The following LGR4 variants were observed in gnomAD, a reference collection of about 807,000 sequenced individuals.
The protein encoded by LGR4 is leucine-rich repeat-containing G protein-coupled receptor 4.
In LGR4, 44 loss-of-function variants were observed where a neutral mutation model predicts 84.8. That is an observed-to-expected ratio of 0.52 (90% CI 0.41 to 0.67). The LOEUF is 0.67. LGR4 is among the 30% of genes least tolerant of loss of function. The pLI is 0.00. For missense variants in LGR4, 1,032 were observed against 1,131.4 expected (o/e 0.91, Z 1.26); for synonymous variants, 429 against 434.3 (o/e 0.99, Z 0.15).
intron 4 of LGR4, among the ~76,000 whole-genome samples, chr11:27,389,040 A>G (rs1358769482): frequency 6.6e-6 from 1 of 152,140 alleles, no homozygotes; most frequent in Non-Finnish European, 1.5e-5. Flanking sequence ...CTTCTGGTCA[A>G]TTTCAATCCC....
At chr11:27,436,347 G>C (rs867974396) in intron 1 of LGR4, among the ~76,000 whole-genome samples, 61 of 134,632 alleles carry the variant, frequency 4.5e-4, no homozygotes, top group Non-Finnish European at 7.8e-4. Context: ...GAGAGAGAGA[G>C]AGAAAGAAAG....
rs145212896 is a variant in LGR4, at chr11:27,377,166, C to A, written c.1101G>T (p.Leu367=). The A allele has an allele frequency of 6.3e-6, 10 of 1,583,256 alleles. No homozygotes were observed. Among genetic ancestry groups the A allele is most frequent in the Non-Finnish European group, 8.6e-6 (10 of 1,156,716 alleles). ...DLPSFNGCHA[L]EEISLQRNQI... ...GTCAAAGACCAACTCACATTTCTTC[C>A]AGAGCATGGCAACCATTAAAACTTG... Residue 367 remains leucine (L), a synonymous_variant, in exon 12 of 18, where the codon CTG becomes CTT. Transcript: ENST00000379214.
At chr11:27,384,238 T>G in intron 6 of LGR4, 98 bp downstream of exon 6, 1 of 753,536 alleles carries the variant, frequency 1.3e-6, no homozygotes, top group South Asian at 1.6e-5. Context: ...AATAAGGAGC[T>G]GAACTTAAGG....
chr11:27,430,132 T>C (rs2133419981), intron 1 of LGR4, among the ~76,000 whole-genome samples: 1 of 152,324 alleles, frequency 6.6e-6, no homozygotes, highest in Non-Finnish European at 1.5e-5. Context: ...ATCACAACTA[T>C]GCATTTTTTC....
intron 2 of LGR4, among the ~76,000 whole-genome samples, chr11:27,399,865 C>A (rs1590362940): frequency 6.6e-6 from 1 of 152,100 alleles, no homozygotes; most frequent in East Asian, 1.9e-4. Flanking sequence ...AAGTCCTGAG[C>A]CATATATTTA....
intron 6 of LGR4, among the ~76,000 whole-genome samples, chr11:27,382,960 T>C (rs1863125179): frequency 6.6e-6 from 1 of 152,116 alleles, no homozygotes; most frequent in Admixed American, 6.5e-5. Flanking sequence ...GAGGTTGCAG[T>C]GAGCCGAGAT....
At chr11:27,424,517 C>T (rs1863984371) in intron 1 of LGR4, among the ~76,000 whole-genome samples, 1 of 152,216 alleles carries the variant, frequency 6.6e-6, no homozygotes, top group Admixed American at 6.5e-5. Context: ...CTCCCAGGCC[C>T]AGATGCACAC....
intron 1 of LGR4, among the ~76,000 whole-genome samples, chr11:27,425,909 T>C (rs1265517085): frequency 6.6e-6 from 1 of 152,232 alleles, no homozygotes; most frequent in Non-Finnish European, 1.5e-5. Flanking sequence ...CTCTTCTCCC[T>C]GGACCCCTAT....
At chr11:27,463,067 CAAAAAAAAAA>C (rs35718980) in intron 1 of LGR4, among the ~76,000 whole-genome samples, 10 of 51,038 alleles carry the variant, frequency 2.0e-4, no homozygotes, top group Non-Finnish European at 2.2e-4. Flanking sequence ...ACCCTGTCTC[CAAAAAAAAAA>C]AAAAAAAAAA....
chr11:27,382,743 G>A (rs1863119810), intron 6 of LGR4, among the ~76,000 whole-genome samples: 1 of 152,152 alleles, frequency 6.6e-6, no homozygotes, highest in Admixed American at 6.5e-5. Flanking sequence ...AGGAGGCCAG[G>A]CACAGTGGTT....
At chr11:27,458,240 T>A (rs941428245) in intron 1 of LGR4, among the ~76,000 whole-genome samples, 2 of 152,188 alleles carry the variant, frequency 1.3e-5, no homozygotes, top group African/African-American at 4.8e-5. Context: ...GTTACATTGT[T>A]TTATTACATT....
intron 14 of LGR4, 124 bp downstream of exon 14, chr11:27,373,848 TACA>T: frequency 2.0e-6 from 2 of 994,828 alleles, no homozygotes; most frequent in Non-Finnish European, 3.1e-6. Flanking sequence ...TTACTATAAA[TACA>T]GCTTAGCATT....
rs1455875404 is a variant in LGR4, at chr11:27,373,979, T to C, written c.1249A>G (p.Asn417Asp). 1.1e-5 allele frequency: 17 copies of C among 1,602,590 alleles called. No individual in the cohort carries two copies. Among genetic ancestry groups the C allele is most frequent in the Non-Finnish European group, 1.4e-5 (16 of 1,169,696 alleles). Residue 417 changes from asparagine (N) to aspartate (D), a missense_variant, in exon 14 of 18, where the codon AAC (asparagine) becomes GAC (aspartate). By Grantham distance (23) the Asn-to-Asp change is conservative. Transcript: ENST00000379214. ...RAFATLGPIT[N>D]LDVSFNELTS... ...ACTGCATAATCATCCACTTACAGGT[T>C]AGTTATTGGCCCAAGTGTGGCAAAA...
chr11:27,443,435 C>T (rs1020111929), intron 1 of LGR4, among the ~76,000 whole-genome samples: 1 of 152,216 alleles, frequency 6.6e-6, no homozygotes, highest in African/African-American at 2.4e-5. Flanking sequence ...ATCAAAACAG[C>T]TTCAGCAAGA....
At chr11:27,415,455 C>T (rs1863797771) in intron 1 of LGR4, among the ~76,000 whole-genome samples, 1 of 152,092 alleles carries the variant, frequency 6.6e-6, no homozygotes, top group Non-Finnish European at 1.5e-5. Context: ...AAAACATGCA[C>T]ACACACACGC....
chr11:27,437,016 TC>T (rs1565093186), intron 1 of LGR4, among the ~76,000 whole-genome samples: 1 of 151,992 alleles, frequency 6.6e-6, no homozygotes, highest in African/African-American at 2.4e-5. Context: ...TTTCAAAAAA[TC>T]CCCCCTTCCA....
chr11:27,405,791 C>T (rs1210799082), intron 2 of LGR4, among the ~76,000 whole-genome samples: 1 of 152,030 alleles, frequency 6.6e-6, no homozygotes, highest in Non-Finnish European at 1.5e-5. Flanking sequence ...TCCCATCTGC[C>T]CTAATTTGGA....
At chr11:27,440,197 C>T (rs781170196) in intron 1 of LGR4, among the ~76,000 whole-genome samples, 4 of 152,094 alleles carry the variant, frequency 2.6e-5, no homozygotes, top group Non-Finnish European at 5.9e-5. Flanking sequence ...TGAGCCACTG[C>T]ACCCAGCCTT....
intron 7 of LGR4, 69 bp from the exon 8 acceptor site, chr11:27,381,035 T>A (rs76722202): frequency 4.9e-6 from 4 of 810,900 alleles, no homozygotes; most frequent in Middle Eastern, 2.3e-4. Context: ...AAGTATCTAC[T>A]GCTGTTCAGC....
Sources: allele counts gnomAD v4.1 joint callset (sites outside exome capture counted in the v4.1 genomes callset), GRCh38; gene constraint gnomAD v4.1.1; transcripts MANE v1.5; gene names NCBI Gene and HGNC (gene_info 2026-07-23, HGNC 2026-07-21).